Variants in HOXD3 observed in about 807,000 individuals in gnomAD.
HOXD3 encodes homeobox protein Hox-D3.
A neutral mutation model predicts 32.8 loss-of-function variants in HOXD3; 13 were observed. The observed-to-expected ratio is 0.40, with a 90% confidence interval of 0.26 to 0.63. The LOEUF (loss-of-function observed/expected upper bound fraction) is 0.63, where lower values mean the gene tolerates loss of function less well. Among genes scored for constraint, HOXD3 ranks in the 20% least tolerant of loss-of-function variants. HOXD3 has a pLI of 0.44. For missense variants in HOXD3, 504 were observed against 577.1 expected, an observed-to-expected ratio of 0.87 and a Z score of 1.30; for synonymous variants, 241 against 246.8, an observed-to-expected ratio of 0.98 and a Z score of 0.22.
intron 1 of HOXD3, among the ~76,000 whole-genome samples, chr2:176,162,989 C>T (rs1399302364): frequency 6.6e-6 from 1 of 152,228 alleles, no homozygotes; most frequent in Non-Finnish European, 1.5e-5. Context: ...CACCGCACCA[C>T]CCTCAGGTCC....
chr2:176,159,745 C>T (rs939760512), intron 1 of HOXD3, among the ~76,000 whole-genome samples: 1 of 152,136 alleles, frequency 6.6e-6, no homozygotes, highest in African/African-American at 2.4e-5. Context: ...TTTCATTGTC[C>T]CCCAGGTTAG....
chr2:176,160,616 T>C (rs550122842), intron 1 of HOXD3, among the ~76,000 whole-genome samples: 23 of 152,322 alleles, frequency 1.5e-4, no homozygotes, highest in African/African-American at 4.8e-4. Context: ...TGAACAAATA[T>C]GCTTGCATTT....
At chr2:176,166,545 A>T (rs184755918) in intron 2 of HOXD3, among the ~76,000 whole-genome samples, 28 of 152,350 alleles carry the variant, frequency 1.8e-4, no homozygotes, top group Non-Finnish European at 3.4e-4. Flanking sequence ...GGGGGCAAAC[A>T]TATGTAAGTA....
At chr2:176,152,551 G>C, upstream of HOXD3, 1 of 1,430,752 alleles carries the variant, frequency 7.0e-7, no homozygotes. The surrounding 1 kb of genome is among the most constrained non-coding windows in gnomAD (Gnocchi z 5.2). Context: ...GCGGAGGCGA[G>C]GGGCCTAACT....
upstream of HOXD3, among the ~76,000 whole-genome samples, chr2:176,157,069 T>C (rs1034622001): frequency 4.6e-5 from 7 of 151,680 alleles, no homozygotes; most frequent in African/African-American, 1.7e-4. Context: ...GAGTATAGAG[T>C]ACAGTAAATC....
intron 3 of HOXD3, among the ~76,000 whole-genome samples, chr2:176,169,918 G>C (rs1227900054): frequency 3.9e-5 from 6 of 152,038 alleles, no homozygotes; most frequent in Non-Finnish European, 5.9e-5. Flanking sequence ...GGGCATATCT[G>C]TTTTCCTGGG....
chr2:176,152,659 C>T, upstream of HOXD3: 1 of 1,614,186 alleles, frequency 6.2e-7, no homozygotes, highest in Middle Eastern at 1.6e-4. This position sits in a 1 kb window ranked among gnomAD's most constrained non-coding sequence, Gnocchi z 5.2. Context: ...ACGGCCTACA[C>T]CCGGCAGCAA....
At chr2:176,166,975 A>T (rs1390885236) in intron 2 of HOXD3, among the ~76,000 whole-genome samples, 11 of 152,252 alleles carry the variant, frequency 7.2e-5, no homozygotes, top group Admixed American at 5.9e-4. Flanking sequence ...GATGGAAGCC[A>T]GGGAGAGTTT....
chr2:176,171,670 A>C lies in HOXD3; in HGVS notation c.695A>C (p.Asn232Thr). ...CGCGTGGAGATGGCCAACCTGCTGA[A>C]TCTCACGGAACGCCAGATCAAGATC... ...PRRVEMANLL[N>T]LTERQIKIWF... The change falls in exon 4 of 4, where the codon AAT (asparagine) becomes ACT (threonine). Residue 232 changes from asparagine (N) to threonine (T), a missense_variant. By Grantham distance (65) the Asn-to-Thr change is moderately conservative. Coordinates refer to ENST00000683222, the MANE Select transcript of HOXD3 (RefSeq NM_006898.5). 1 of 1,614,164 alleles carries C rather than the reference A, an allele frequency of 6.2e-7. No homozygotes were observed. Among genetic ancestry groups the C allele is most frequent in the Non-Finnish European group, 8.5e-7 (1 of 1,180,036 alleles).
chr2:176,159,051 G>A (rs1355574091), intron 1 of HOXD3, among the ~76,000 whole-genome samples: 1 of 152,238 alleles, frequency 6.6e-6, no homozygotes, highest in African/African-American at 2.4e-5. Flanking sequence ...TGGGGGCCGG[G>A]CGAGGACTGT....
At chr2:176,153,470 C>T (rs1305516543), upstream of HOXD3, among the ~76,000 whole-genome samples, 1 of 152,134 alleles carries the variant, frequency 6.6e-6, no homozygotes, top group African/African-American at 2.4e-5. Flanking sequence ...ATATATTTTG[C>T]TCCCAGTGGC....
At chr2:176,167,221 C>T (rs1690999062) in intron 2 of HOXD3, among the ~76,000 whole-genome samples, 1 of 152,034 alleles carries the variant, frequency 6.6e-6, no homozygotes, top group Admixed American at 6.5e-5. Context: ...ATTCTGGGTC[C>T]ATTCATCATG....
At chr2:176,166,489 AAAAGCCTGAAACATAACC>A (rs1457131620) in intron 2 of HOXD3, among the ~76,000 whole-genome samples, 3 of 152,360 alleles carry the variant, frequency 2.0e-5, no homozygotes, top group Admixed American at 1.3e-4. Flanking sequence ...AGGATACCAG[AAAAGCCTGAAACATAACC>A]AAATCCAGAG....
Position 176,166,824 on chromosome 2 carries a change from A to G in HOXD3, c.-84-2207A>G, listed in dbSNP as rs548688503. Reference sequence around the variant, plus strand: ...AGGGCAACAACACTACCTACCAAAGACTAATTAGAAGAATTTTAAAATTTG... The same window carrying G: ...AGGGCAACAACACTACCTACCAAAGGCTAATTAGAAGAATTTTAAAATTTG... On this transcript the variant is annotated intron_variant, in intron 2 of 3. Transcript: ENST00000683222. Among the ~76,000 whole-genome samples the G allele has an allele frequency of 7.4e-4, 113 of 152,340 alleles. 1 individual carries two copies. Among genetic ancestry groups the G allele is most frequent in the Non-Finnish European group, 1.3e-3 (89 of 68,028 alleles).
At chr2:176,163,555 C>T (rs1216700662) in intron 1 of HOXD3, among the ~76,000 whole-genome samples, 1 of 152,178 alleles carries the variant, frequency 6.6e-6, no homozygotes, top group Non-Finnish European at 1.5e-5. Flanking sequence ...AAATCAGGAA[C>T]TAGCGCCCAG....
chr2:176,171,665 G>A lies in HOXD3; in HGVS notation c.690G>A (p.Leu230=), dbSNP rs774817745. 1.9e-6 allele frequency: 3 copies of A among 1,614,064 alleles called. No homozygotes were observed. The highest frequency in any genetic ancestry group is 4.5e-5 in the East Asian group (2 of 44,884). Residue 230 remains leucine (L), a synonymous_variant, in exon 4 of 4, where the codon CTG becomes CTA. Transcript: ENST00000683222. ...CGCGCCGCGTGGAGATGGCCAACCTGCTGAATCTCACGGAACGCCAGATCA... is the reference window on the plus strand; with the variant it reads ...CGCGCCGCGTGGAGATGGCCAACCTACTGAATCTCACGGAACGCCAGATCA... The part of the protein sequence containing the change: ...CRPRRVEMAN[L]LNLTERQIKI...
chr2:176,165,159 TG>T, intron 2 of HOXD3: 1 of 152,312 alleles, frequency 6.6e-6, no homozygotes, highest in South Asian at 2.1e-4. Flanking sequence ...TGCCGGGCCT[TG>T]GGAAGTGTTT....
In HOXD3 at chr2:176,169,473, C is replaced by A. The variant is rs190587708; in HGVS notation, c.359C>A (p.Pro120His). The change falls in exon 3 of 4, where the codon CCT (proline) becomes CAT (histidine). Residue 120 changes from proline to histidine, a missense_variant. Pro to His is a moderately conservative substitution (Grantham distance 77, BLOSUM62 -2). This residue lies in a region of HOXD3 where 181 missense variants were observed against 172.2 expected (regional missense o/e 1.05). Coordinates refer to ENST00000683222, the MANE Select transcript of HOXD3 (RefSeq NM_006898.5). ...TCAGAGCAGCAGCCACCACAACCCCCTCCTCCACCACCGACCCTGCCCCCA... is the reference window on the plus strand; with the variant it reads ...TCAGAGCAGCAGCCACCACAACCCCATCCTCCACCACCGACCCTGCCCCCA... ...LNSEQQPPQP[P>H]PPPPTLPPSS... The A allele has an allele frequency of 3.1e-6, 5 of 1,613,128 alleles. No individual in the cohort carries two copies. The highest frequency in any genetic ancestry group is 4.2e-6 in the Non-Finnish European group (5 of 1,179,538).
upstream of HOXD3, chr2:176,153,011 C>A (rs1690576182): frequency 7.0e-7 from 1 of 1,436,804 alleles, no homozygotes; most frequent in Non-Finnish European, 9.8e-7. Context: ...GCAGGCCGGG[C>A]CTGCTGTCAC....
Sources: gnomAD v4.1 joint callset for allele counts (sites outside exome capture counted in the v4.1 genomes callset) on GRCh38, gnomAD v4.1.1 for gene constraint, gnomAD v4.1.1 regional missense constraint, Gnocchi (gnomAD v3.1) non-coding constraint, MANE v1.5 for transcripts, NCBI Gene and HGNC (gene_info 2026-07-23, HGNC 2026-07-21) for gene names.